The following PTPA variants were observed in gnomAD, a reference collection of about 807,000 sequenced individuals.
PTPA encodes the protein serine/threonine-protein phosphatase 2A activator.
Under a neutral mutation model 43.6 loss-of-function variants are expected in PTPA, and 13 were observed. The observed-to-expected ratio is 0.30, with a 90% CI of 0.19 to 0.47. The LOEUF is 0.47. PTPA is among the 20% of genes least tolerant of loss of function. The pLI is 0.99. For synonymous variants in PTPA, 172 were observed against 158.2 expected (o/e 1.09, Z -0.66); for missense variants, 329 against 411.9 (o/e 0.80, Z 1.74).
At chr9:129,128,020 C>T (rs769837248) in intron 3 of PTPA, 16 of 1,347,560 alleles carry the variant, frequency 1.2e-5, no homozygotes, top group South Asian at 8.3e-5. Flanking sequence ...GTGTGTCCTG[C>T]GATGAATGCA....
intron 9 of PTPA, among the ~76,000 whole-genome samples, chr9:129,143,988 C>T (rs1245035010): frequency 6.6e-6 from 1 of 151,582 alleles, no homozygotes; most frequent in African/African-American, 2.4e-5. Context: ...CCCTTGTGTG[C>T]CAAAGAGAGG....
In PTPA at chr9:129,142,229, GGGA is replaced by G. The variant is rs556672191; in HGVS notation, c.787-215_787-213del. 1.9e-3 allele frequency: 856 copies of G among 456,738 alleles called. 2 individuals are homozygous for G. Among genetic ancestry groups the G allele is most frequent in the Middle Eastern group, 0.014 (25 of 1,766 alleles). 28.3% of individuals were successfully genotyped at this position (456,738 alleles called of 1,614,324 possible). A position where few individuals can be genotyped will look rare whatever the true frequency, so the allele number is the denominator to read the frequency against. On this transcript the variant is annotated intron_variant, in intron 8 of 9. Transcript: ENST00000393370. ...TCCTAGCAGGCCTTGAGGGCCAAAG[GGGA>G]ACCTTGTCTCTGGCACTTGCATGTG...
chr9:129,111,392 G>A (rs116606970), upstream of PTPA: 100 of 1,222,772 alleles, frequency 8.2e-5, no homozygotes, highest in Non-Finnish European at 9.9e-5. Flanking sequence ...GCCGTTAATA[G>A]GCTTGCTCCC....
intron 4 of PTPA, 77 bp from the exon 5 acceptor site, chr9:129,131,445 G>GGT: frequency 7.5e-7 from 1 of 1,324,860 alleles, no homozygotes; most frequent in Non-Finnish European, 1.1e-6. Context: ...CCCCCAGTCA[G>GGT]GTGCTGCCCC....
chr9:129,147,046 C>T (rs1851351240), intron 9 of PTPA, among the ~76,000 whole-genome samples: 1 of 152,196 alleles, frequency 6.6e-6, no homozygotes, highest in Admixed American at 6.5e-5. Flanking sequence ...AGAACTGGGA[C>T]CTGGGCTGGG....
intron 6 of PTPA, 109 bp downstream of exon 6, chr9:129,135,003 C>G: frequency 5.7e-6 from 5 of 879,216 alleles, no homozygotes; most frequent in Non-Finnish European, 8.9e-6. Flanking sequence ...GCTCATGGTT[C>G]TCTTGTCCTG....
chr9:129,137,468 A>G (rs930075432), intron 7 of PTPA, 124 bp from the exon 8 acceptor site: 5 of 667,206 alleles, frequency 7.5e-6, no homozygotes, highest in Non-Finnish European at 1.1e-5. Flanking sequence ...TGCTCCTTCA[A>G]GGTGAGGTGT....
At chr9:129,118,873 A>G (rs1383267089) in intron 1 of PTPA, 2 of 151,516 alleles carry the variant, frequency 1.3e-5, no homozygotes, top group African/African-American at 4.9e-5. Context: ...CATCTGAAAG[A>G]TAGATTCCTG....
chr9:129,112,831 C>T (rs1848629538), intron 1 of PTPA, among the ~76,000 whole-genome samples: 1 of 152,064 alleles, frequency 6.6e-6, no homozygotes, highest in African/African-American at 2.4e-5. Flanking sequence ...ATCCCAACTA[C>T]TAGGGAGGAT....
At chr9:129,113,647 G>C (rs967274725) in intron 1 of PTPA, among the ~76,000 whole-genome samples, 2 of 150,930 alleles carry the variant, frequency 1.3e-5, no homozygotes, top group Non-Finnish European at 2.9e-5. Context: ...GCACACGTCT[G>C]TAATCGCAGC....
Position 129,137,641 on chromosome 9 carries a change from T to C in PTPA, c.735T>C (p.Asn245=), listed in dbSNP as rs201904712. Residue 245 remains asparagine, a synonymous_variant, in exon 8 of 10, where the codon AAT becomes AAC. Coordinates refer to ENST00000393370, the MANE Select transcript of PTPA (RefSeq NM_178000.3). ...PRHFVDEKAV[N]ENHKDYMFLE... is the part of the protein sequence containing the mutation. ...ACTTTGTGGATGAGAAGGCCGTGAA[T>C]GAGAACCACAAGGACTACATGTTCC... is the stretch of plus-strand genomic sequence containing the variant. 32 of 1,612,714 alleles carry C rather than the reference T, an allele frequency of 2.0e-5. No individual in the cohort carries two copies. The highest frequency in any genetic ancestry group is 2.6e-5 in the Non-Finnish European group (31 of 1,179,312).
intron 9 of PTPA, chr9:129,142,884 A>G: frequency 2.7e-6 from 4 of 1,504,822 alleles, no homozygotes; most frequent in Non-Finnish European, 3.5e-6. Context: ...AGGCTCCTCA[A>G]AGCTCGGGCA....
chr9:129,139,743 C>T (rs1430422147), intron 8 of PTPA: 1 of 152,152 alleles, frequency 6.6e-6, no homozygotes, highest in Non-Finnish European at 1.5e-5. Flanking sequence ...CCTCTGGAGA[C>T]CCTGGATTCA....
chr9:129,143,073 C>T lies in PTPA; in HGVS notation c.894+521C>T, dbSNP rs17486506. The T allele has an allele frequency of 1.4e-3, 977 of 720,716 alleles. 6 individuals carry two copies. The African/African-American group carries it at 0.015, about 11-fold the overall frequency. The allele number at this position is 720,716 out of a possible 1,614,324, so 44.6% of individuals were successfully genotyped here. A position where few individuals can be genotyped will look rare whatever the true frequency, so the allele number is the denominator to read the frequency against. ...AGGGATTTTGATGCAAATGGTTTTC[C>T]CTGCTCTCAAATCAGATGCTGAGGA... On this transcript the variant is annotated intron_variant, in intron 9 of 9. Transcript: ENST00000393370.
In PTPA at chr9:129,147,644, T is replaced by A; in HGVS notation, c.*180T>A. On this transcript the variant is annotated 3_prime_UTR_variant, in exon 10 of 10. Coordinates refer to ENST00000393370, the MANE Select transcript of PTPA (RefSeq NM_178000.3). ...AGAGCATAAGGCTTCAGGGCCCAAG[T>A]TGGGAGAAGTGACCAAAGTGTAGCC... is the stretch of plus-strand genomic sequence containing the variant. The A allele has an allele frequency of 3.1e-6, 2 of 653,400 alleles. No homozygotes were observed. Among genetic ancestry groups the A allele is most frequent in the East Asian group, 2.9e-5 (1 of 34,596 alleles). The allele number at this position is 653,400 out of a possible 1,614,324, so 40.5% of individuals were successfully genotyped here.
chr9:129,137,836 C>T, intron 8 of PTPA, 144 bp downstream of exon 8: 1 of 757,314 alleles, frequency 1.3e-6, no homozygotes, highest in Non-Finnish European at 2.3e-6. Flanking sequence ...GAAAAGGAAG[C>T]ACCACTGGGC....
rs1850948928 is a variant in PTPA at position 129,142,468 on chromosome 9, G to A, written c.810G>A (p.Glu270=). Reference sequence around the variant, plus strand: ...AGATGAAGACTGGCCCATTTGCAGAGCACTCCAACCAGCTGTGGAACATCA... The same window carrying A: ...AGATGAAGACTGGCCCATTTGCAGAACACTCCAACCAGCTGTGGAACATCA... ...ITEMKTGPFA[E]HSNQLWNISA... is the part of the protein sequence containing the mutation. Residue 270 remains glutamate, a synonymous_variant, in exon 9 of 10, where the codon GAG becomes GAA. Coordinates refer to ENST00000393370, the MANE Select transcript of PTPA (RefSeq NM_178000.3). The A allele has an allele frequency of 6.3e-7, 1 of 1,596,210 alleles. No homozygotes were observed. The highest frequency in any genetic ancestry group is 8.6e-7 in the Non-Finnish European group (1 of 1,167,284).
intron 4 of PTPA, among the ~76,000 whole-genome samples, chr9:129,129,467 T>C (rs1849806230): frequency 6.6e-6 from 1 of 151,980 alleles, no homozygotes; most frequent in African/African-American, 2.4e-5. Context: ...TTTTATTTTT[T>C]ATTTTATCTT....
intron 5 of PTPA, among the ~76,000 whole-genome samples, chr9:129,134,296 CTTTTTTTTT>C (rs68089837): frequency 1.7e-3 from 96 of 56,910 alleles, no homozygotes; most frequent in African/African-American, 7.0e-3. Flanking sequence ...ACTGGTAGTT[CTTTTTTTTT>C]TTTTTTTTTT....
Sources: allele counts gnomAD v4.1 joint callset (sites outside exome capture counted in the v4.1 genomes callset), GRCh38; gene constraint gnomAD v4.1.1; transcripts MANE v1.5; gene names NCBI Gene and HGNC (gene_info 2026-07-23, HGNC 2026-07-21).